The following MOB3A variants were observed in gnomAD, a reference collection of about 807,000 sequenced individuals.
MOB3A encodes MOB LAK.
In MOB3A, 17 loss-of-function variants were observed where a neutral mutation model predicts 17.8. The ratio of observed to expected loss-of-function variants is 0.95; its 90% CI spans 0.65 to 1.43. The LOEUF is 1.43. Among genes scored for constraint, MOB3A ranks in the 40% most tolerant of loss-of-function variants. The pLI, the probability that MOB3A is intolerant of heterozygous loss-of-function variation, is 0.00. For missense variants in MOB3A, 333 were observed against 310.8 expected (o/e 1.07, Z -0.54); for synonymous variants, 124 against 133.2 (o/e 0.93, Z 0.48).
intron 1 of MOB3A, among the ~76,000 whole-genome samples, chr19:2,086,424 G>A (rs1266058431): frequency 6.7e-6 from 1 of 149,372 alleles, no homozygotes; most frequent in Non-Finnish European, 1.5e-5. Context: ...GCAGTGGCGT[G>A]ATCTCGGCTC....
In MOB3A at chr19:2,073,280, T is replaced by C; in HGVS notation, c.*115A>G. 1 of 1,372,256 alleles carries C rather than the reference T, an allele frequency of 7.3e-7. No individual in the cohort carries two copies. The highest frequency in any genetic ancestry group is 1.0e-6 in the Non-Finnish European group (1 of 977,452). 85.0% of individuals were successfully genotyped at this position (1,372,256 alleles called of 1,614,324 possible). ...AACACCTGCTCAGCGGCTCGGCCCC[T>C]GGTCTCCCTGAGATGCTCAGGCCGG... On this transcript the variant is annotated 3_prime_UTR_variant, in exon 5 of 5. Coordinates refer to ENST00000357066, the MANE Select transcript of MOB3A (RefSeq NM_130807.3).
rs538058526 is a variant in MOB3A, at chr19:2,078,715, C to T, written c.-119-36G>A. ...CAGGGGAATCATGACCTGCTGGAGGCGACAGAATTTCCCGGAAACTCGTGC... is the reference window on the plus strand; with the variant it reads ...CAGGGGAATCATGACCTGCTGGAGGTGACAGAATTTCCCGGAAACTCGTGC... On this transcript the variant is annotated intron_variant, in intron 2 of 4. Coordinates refer to ENST00000357066, the MANE Select transcript of MOB3A (RefSeq NM_130807.3). 702 of 699,690 alleles carry T rather than the reference C, an allele frequency of 1.0e-3. 5 individuals carry two copies. The African/African-American group carries it at 0.012, about 12-fold the overall frequency. The allele number at this position is 699,690 out of a possible 1,614,324, so 43.3% of individuals were successfully genotyped here. A position where few individuals can be genotyped will look rare whatever the true frequency, so the allele number is the denominator to read the frequency against.
chr19:2,087,890 C>T (rs913159404), intron 1 of MOB3A, among the ~76,000 whole-genome samples: 21 of 152,184 alleles, frequency 1.4e-4, no homozygotes, highest in African/African-American at 5.1e-4. Context: ...CTTGACTGGG[C>T]ACCACCGACT....
intron 4 of MOB3A, among the ~76,000 whole-genome samples, chr19:2,076,266 C>G (rs1389528885): frequency 6.6e-6 from 1 of 150,510 alleles, no homozygotes; most frequent in Non-Finnish European, 1.5e-5. Flanking sequence ...CCCCCTCTCT[C>G]CTAAAAACAC....
At chr19:2,091,818 G>A (rs2144940281) in intron 1 of MOB3A, among the ~76,000 whole-genome samples, 1 of 150,980 alleles carries the variant, frequency 6.6e-6, no homozygotes, top group African/African-American at 2.4e-5. Flanking sequence ...CCGAGATGGT[G>A]AAACCCTGTC....
Position 2,082,626 on chromosome 19 carries a change from G to A in MOB3A, c.-120+2549C>T, listed in dbSNP as rs1455027218. Among the ~76,000 whole-genome samples, 1 of 152,174 alleles carries A rather than the reference G, an allele frequency of 6.6e-6. No individual in the cohort carries two copies. The highest frequency in any genetic ancestry group is 2.4e-5 in the African/African-American group (1 of 41,424). On this transcript the variant is annotated intron_variant, in intron 2 of 4. Transcript: ENST00000357066. This position sits in a 1 kb window ranked among gnomAD's most constrained non-coding sequence, Gnocchi z 4.1. The stretch of plus-strand genomic sequence containing the variant: ...CTCCCTAAATTCAGCAACTCTCAGG[G>A]ATGCAGGCAGCCGTCTGATCACAAG...
intron 1 of MOB3A, among the ~76,000 whole-genome samples, chr19:2,094,039 TTC>T: frequency 6.7e-6 from 1 of 148,690 alleles, no homozygotes. Context: ...CCTATGTAAG[TTC>T]TTTTTTTTTT....
chr19:2,078,514 A>T lies in MOB3A; in HGVS notation c.47T>A (p.Phe16Tyr), dbSNP rs1479718258. 1 of 1,602,506 alleles carries T rather than the reference A, an allele frequency of 6.2e-7. No homozygotes were observed. Among genetic ancestry groups the T allele is most frequent in the Non-Finnish European group, 8.5e-7 (1 of 1,172,348 alleles). The change falls in exon 3 of 5, where the codon TTC becomes TAC. Residue 16 changes from phenylalanine (F) to tyrosine (Y), a missense_variant. Transcript: ENST00000357066. ...TGGCTCAAACTTGCGCTTGGGGCGG[A>T]ATGTCTTGTCCTTGTTGAAGACTTG... The part of the protein sequence containing the change: ...LKQVFNKDKT[F>Y]RPKRKFEPGT...
intron 2 of MOB3A, among the ~76,000 whole-genome samples, chr19:2,079,227 G>A (rs887004328): frequency 6.6e-6 from 1 of 152,266 alleles, no homozygotes; most frequent in Non-Finnish European, 1.5e-5. Context: ...CCCCGGTGCC[G>A]ATGCCTGGCC....
intron 4 of MOB3A, among the ~76,000 whole-genome samples, chr19:2,075,325 C>T (rs2017390873): frequency 6.6e-6 from 1 of 152,082 alleles, no homozygotes; most frequent in South Asian, 2.1e-4. Flanking sequence ...CCACCTCGTC[C>T]GTCCATTTTT....
At chr19:2,079,542 G>A (rs2017460240) in intron 2 of MOB3A, among the ~76,000 whole-genome samples, 1 of 152,224 alleles carries the variant, frequency 6.6e-6, no homozygotes, top group Non-Finnish European at 1.5e-5. Flanking sequence ...GGGTCGCCCA[G>A]GATGCTGGCC....
rs147615539 is a variant in MOB3A at position 2,090,695 on chromosome 19, G to A, written c.-273-5367C>T. ...ATTTTTTTTTTTAAGACGGAGTCTC[G>A]CTCTGTTGCCCAGGCTGGAGTGCAG... is the stretch of plus-strand genomic sequence containing the variant. On this transcript the variant is annotated intron_variant, in intron 1 of 4. Coordinates refer to ENST00000357066, the MANE Select transcript of MOB3A (RefSeq NM_130807.3). Among the ~76,000 whole-genome samples, 427 of 151,916 alleles carry A rather than the reference G, an allele frequency of 2.8e-3. 3 individuals are homozygous for A. Among genetic ancestry groups the A allele is most frequent in the African/African-American group, 9.8e-3 (404 of 41,398 alleles).
Position 2,078,676 on chromosome 19 carries a change from G to A in MOB3A, c.-116C>T, listed in dbSNP as rs963350330. 8.9e-5 allele frequency: 93 copies of A among 1,046,410 alleles called. 1 individual carries two copies. The highest frequency in any genetic ancestry group is 6.2e-4 in the South Asian group (37 of 59,432). 64.8% of individuals were successfully genotyped at this position (1,046,410 alleles called of 1,614,324 possible). ...TCACCAAGCCCCACAGCTCTCCCGC[G>A]GACCTGAAATACACAGGGGAATCAT... is the stretch of plus-strand genomic sequence containing the variant. On this transcript the variant is annotated 5_prime_UTR_variant, in exon 3 of 5. Coordinates refer to ENST00000357066, the MANE Select transcript of MOB3A (RefSeq NM_130807.3).
At chr19:2,075,634 G>A (rs2017395477) in intron 4 of MOB3A, among the ~76,000 whole-genome samples, 1 of 152,170 alleles carries the variant, frequency 6.6e-6, no homozygotes, top group South Asian at 2.1e-4. Context: ...TGAATCACGG[G>A]CACCCACTCC....
chr19:2,073,884 A>G (rs1013788751), intron 4 of MOB3A, among the ~76,000 whole-genome samples: 7 of 152,220 alleles, frequency 4.6e-5, no homozygotes, highest in African/African-American at 1.7e-4. Flanking sequence ...TATAGAAATT[A>G]GCCTGGCATG....
intron 1 of MOB3A, among the ~76,000 whole-genome samples, chr19:2,092,095 T>TTC (rs1409624897): frequency 2.0e-5 from 3 of 150,226 alleles, no homozygotes; most frequent in South Asian, 2.1e-4. Flanking sequence ...TTTTTTTTTT[T>TTC]TTTTTTTAGC....
At chr19:2,075,751 G>A (rs1019318928) in intron 4 of MOB3A, among the ~76,000 whole-genome samples, 1 of 152,096 alleles carries the variant, frequency 6.6e-6, no homozygotes. Context: ...CCCTGGGTTC[G>A]TCTCCCGATA....
chr19:2,079,972 CA>C (rs2017465849), intron 2 of MOB3A, among the ~76,000 whole-genome samples: 2 of 152,200 alleles, frequency 1.3e-5, no homozygotes, highest in Admixed American at 6.5e-5. Context: ...TCTCAGGGGA[CA>C]GAGACAGAGT....
chr19:2,083,568 C>T (rs1157720668), intron 2 of MOB3A, among the ~76,000 whole-genome samples: 1 of 152,230 alleles, frequency 6.6e-6, no homozygotes, highest in Non-Finnish European at 1.5e-5. Context: ...CGAGTGCAGG[C>T]CCCACTTTAC....
Sources: gnomAD v4.1 joint callset for allele counts (sites outside exome capture counted in the v4.1 genomes callset) on GRCh38, gnomAD v4.1.1 for gene constraint, Gnocchi (gnomAD v3.1) non-coding constraint, MANE v1.5 for transcripts, NCBI Gene and HGNC (gene_info 2026-07-23, HGNC 2026-07-21) for gene names.